Variants in ELMOD1 observed in about 807,000 individuals in gnomAD.
ELMOD1 encodes the protein ELMO domain containing 1.
Under a neutral mutation model 46.7 loss-of-function variants are expected in ELMOD1, and 21 were observed. The ratio of observed to expected loss-of-function variants is 0.45; its 90% CI spans 0.32 to 0.65. ELMOD1 has a LOEUF of 0.65. ELMOD1 is among the 30% of genes least tolerant of loss of function. The pLI, the probability that ELMOD1 is intolerant of heterozygous loss-of-function variation, is 0.04. For synonymous variants in ELMOD1, 122 were observed against 138.2 expected (o/e 0.88, Z 0.82); for missense variants, 348 against 407.8 (o/e 0.85, Z 1.26).
At chr11:107,650,672 A>G (rs1317941399) in intron 8 of ELMOD1, among the ~76,000 whole-genome samples, 1 of 152,196 alleles carries the variant, frequency 6.6e-6, no homozygotes, top group Non-Finnish European at 1.5e-5. Flanking sequence ...GGAGGTGGGC[A>G]TGGAAGAAGG....
chr11:107,650,552 G>A (rs1214454147), intron 8 of ELMOD1, 149 bp downstream of exon 8: 2 of 673,040 alleles, frequency 3.0e-6, no homozygotes, highest in African/African-American at 3.6e-5. Context: ...TGAGTTGGAG[G>A]GTTAAAACTT....
chr11:107,628,498 T>TA (rs1483778793), intron 2 of ELMOD1, among the ~76,000 whole-genome samples: 2 of 151,908 alleles, frequency 1.3e-5, no homozygotes, highest in Admixed American at 6.6e-5. Context: ...CTTGTCTAAT[T>TA]AAAATATCCC....
chr11:107,601,460 G>A (rs1865597581), intron 1 of ELMOD1, among the ~76,000 whole-genome samples: 1 of 137,832 alleles, frequency 7.3e-6, no homozygotes, highest in African/African-American at 2.7e-5. Context: ...CTGTCGCCCA[G>A]GCTGGAGTGC....
At chr11:107,603,116 C>T (rs1044050745) in intron 1 of ELMOD1, among the ~76,000 whole-genome samples, 3 of 152,210 alleles carry the variant, frequency 2.0e-5, no homozygotes, top group Non-Finnish European at 4.4e-5. Context: ...TCCTCCATCA[C>T]CAAGTTCAGA....
intron 5 of ELMOD1, 47 bp downstream of exon 5, chr11:107,631,724 G>A: frequency 9.4e-7 from 1 of 1,067,608 alleles, no homozygotes; most frequent in South Asian, 1.6e-5. Flanking sequence ...CAAATCACAT[G>A]GCCACAGGTT....
chr11:107,654,225 G>A lies in ELMOD1; in HGVS notation c.698+3G>A, dbSNP rs748971128. 2 of 1,589,562 alleles carry A rather than the reference G, an allele frequency of 1.3e-6. No individual in the cohort carries two copies. Among genetic ancestry groups the A allele is most frequent in the Admixed American group, 3.5e-5 (2 of 56,572 alleles). The stretch of plus-strand genomic sequence containing the variant: ...AAAAGGATGGATAAGGCAATTGGGT[G>A]AGTATGGGATCTCACATGGAAAGAT... On this transcript the variant is annotated splice_donor_region_variant and intron_variant, in intron 10 of 11. Transcript: ENST00000265840.
chr11:107,644,914 G>T (rs7932767), intron 6 of ELMOD1, among the ~76,000 whole-genome samples: 82,143 of 134,496 alleles, frequency 0.61, 24,079 homozygotes, highest in Non-Finnish European at 0.69. Context: ...AAGGGTTTTT[G>T]TTTTTGTTTT....
At chr11:107,632,232 T>C (rs1349785214) in intron 5 of ELMOD1, among the ~76,000 whole-genome samples, 1 of 152,248 alleles carries the variant, frequency 6.6e-6, no homozygotes, top group East Asian at 1.9e-4. Context: ...GCAATGTTCG[T>C]GACATTTAAA....
chr11:107,657,444 T>G (rs913020345), intron 11 of ELMOD1, among the ~76,000 whole-genome samples: 1 of 152,134 alleles, frequency 6.6e-6, no homozygotes, highest in African/African-American at 2.4e-5. Context: ...AGAAGATCGC[T>G]TGAGCCCAAG....
At chr11:107,592,014 A>G (rs1355571590) in intron 1 of ELMOD1, 2 of 500,530 alleles carry the variant, frequency 4.0e-6, no homozygotes, top group Non-Finnish European at 4.2e-6. Flanking sequence ...AGAATTGGAC[A>G]GCCGAGTGGG....
chr11:107,607,961 C>T (rs994832840), intron 1 of ELMOD1, among the ~76,000 whole-genome samples: 5 of 145,382 alleles, frequency 3.4e-5, no homozygotes, highest in Admixed American at 2.8e-4. Context: ...GGCTCCCCCA[C>T]AACCTTATTG....
intron 1 of ELMOD1, among the ~76,000 whole-genome samples, chr11:107,601,838 G>A (rs969698266): frequency 6.6e-6 from 1 of 152,036 alleles, no homozygotes; most frequent in Non-Finnish European, 1.5e-5. Flanking sequence ...TAATCTGTCA[G>A]TTCCAGTTTT....
intron 1 of ELMOD1, among the ~76,000 whole-genome samples, chr11:107,605,259 G>A (rs56875550): frequency 0.11 from 17,063 of 150,186 alleles, 1,496 homozygotes; most frequent in African/African-American, 0.23. Flanking sequence ...GAGTGCAGTG[G>A]CGCAATCTTG....
intron 1 of ELMOD1, among the ~76,000 whole-genome samples, chr11:107,616,440 C>G (rs140580516): frequency 6.6e-6 from 1 of 152,028 alleles, no homozygotes; most frequent in African/African-American, 2.4e-5. Flanking sequence ...AGTGCAGTGG[C>G]GCATTCTCGG....
intron 6 of ELMOD1, among the ~76,000 whole-genome samples, chr11:107,644,970 C>T (rs1411070323): frequency 1.3e-5 from 2 of 150,910 alleles, no homozygotes; most frequent in Non-Finnish European, 2.9e-5. Flanking sequence ...GTCGCCCGGG[C>T]TGGAGTGCAG....
At chr11:107,593,208 A>G (rs1300761587) in intron 1 of ELMOD1, 1 of 152,602 alleles carries the variant, frequency 6.6e-6, no homozygotes, top group Non-Finnish European at 1.5e-5. Context: ...TAATGAAGAA[A>G]ATAAATCTCC....
At chr11:107,623,972 C>T (rs1354997146) in intron 2 of ELMOD1, 2 of 152,172 alleles carry the variant, frequency 1.3e-5, no homozygotes, top group African/African-American at 4.8e-5. Context: ...TTTCTTTCAG[C>T]TGCTCTAGGT....
At chr11:107,628,497 T>C (rs1255181555) in intron 2 of ELMOD1, among the ~76,000 whole-genome samples, 1 of 151,970 alleles carries the variant, frequency 6.6e-6, no homozygotes, top group African/African-American at 2.4e-5. Context: ...ACTTGTCTAA[T>C]TAAAATATCC....
At chr11:107,633,501 A>G (rs1048270915) in intron 5 of ELMOD1, among the ~76,000 whole-genome samples, 4 of 151,992 alleles carry the variant, frequency 2.6e-5, no homozygotes, top group Non-Finnish European at 4.4e-5. Context: ...GGCGCAGTCT[A>G]GGCTCACTGC....
Sources: allele counts gnomAD v4.1 joint callset (sites outside exome capture counted in the v4.1 genomes callset), GRCh38; gene constraint gnomAD v4.1.1; transcripts MANE v1.5; gene names NCBI Gene and HGNC (gene_info 2026-07-23, HGNC 2026-07-21).